The following PCDHGA6 variants were observed in gnomAD, a reference collection of about 807,000 sequenced individuals.
PCDHGA6 encodes the protein protocadherin gamma subfamily A, 6.
Under a neutral mutation model 60.6 loss-of-function variants are expected in PCDHGA6, and 41 were observed. The ratio of observed to expected loss-of-function variants is 0.68; its 90% CI spans 0.53 to 0.88. The LOEUF is 0.88. PCDHGA6 is among the 40% of genes least tolerant of loss of function. PCDHGA6 has a pLI of 0.00. For synonymous variants in PCDHGA6, 594 were observed against 524.4 expected, an observed-to-expected ratio of 1.13 and a Z score of -1.81; for missense variants, 1,312 against 1,203.0, an observed-to-expected ratio of 1.09 and a Z score of -1.34.
intron 1 of PCDHGA6, among the ~76,000 whole-genome samples, chr5:141,464,261 T>TC (rs2099079163): frequency 1.5e-5 from 2 of 137,096 alleles, no homozygotes; most frequent in African/African-American, 2.9e-5. Flanking sequence ...CGAGACTCCG[T>TC]CTAAAAAAAA....
At chr5:141,494,680 C>A in intron 1 of PCDHGA6, 127 bp from the exon 2 acceptor site, 1 of 1,560,094 alleles carries the variant, frequency 6.4e-7, no homozygotes, top group Non-Finnish European at 8.7e-7. Flanking sequence ...CCACCCCTGC[C>A]CCCTCTTAGT....
chr5:141,493,784 T>A lies in PCDHGA6; in HGVS notation c.2425-1023T>A, dbSNP rs1368708028. ...AGCCACTGGCAGTTCCGGAGCTTCC[T>A]TCTCCCTGGAGTAATCTGAGATACT... On this transcript the variant is annotated intron_variant, in intron 1 of 3. Coordinates refer to ENST00000517434, the MANE Select transcript of PCDHGA6 (RefSeq NM_018919.3). This position sits in a 1 kb window ranked among gnomAD's most constrained non-coding sequence, Gnocchi z 4.3. 1.3e-5 allele frequency among the ~76,000 whole-genome samples: 2 copies of A among 152,194 alleles called. No individual in the cohort carries two copies. Among genetic ancestry groups the A allele is most frequent in the Non-Finnish European group, 2.9e-5 (2 of 68,032 alleles).
At chr5:141,405,403 T>A (rs1430892971) in intron 1 of PCDHGA6, 2 of 1,586,108 alleles carry the variant, frequency 1.3e-6, no homozygotes, top group Non-Finnish European at 1.7e-6. Flanking sequence ...TCTTTCTTTC[T>A]TTTCTTTTTT....
chr5:141,484,549 G>A (rs939394402), intron 1 of PCDHGA6, among the ~76,000 whole-genome samples: 1 of 152,162 alleles, frequency 6.6e-6, no homozygotes, highest in African/African-American at 2.4e-5. Context: ...GTTCTAATTA[G>A]CAGTTGCTCC....
intron 3 of PCDHGA6, among the ~76,000 whole-genome samples, chr5:141,509,518 T>A (rs1441963133): frequency 6.6e-6 from 1 of 152,170 alleles, no homozygotes; most frequent in Non-Finnish European, 1.5e-5. Context: ...GTTGATGATG[T>A]ATTGCACAGG....
At chr5:141,501,305 A>G (rs2099807563) in intron 2 of PCDHGA6, among the ~76,000 whole-genome samples, 1 of 151,322 alleles carries the variant, frequency 6.6e-6, no homozygotes, top group African/African-American at 2.4e-5. Flanking sequence ...ACACACACAC[A>G]CACACACACA....
chr5:141,404,594 T>C (rs778412256), intron 1 of PCDHGA6: 6 of 1,614,050 alleles, frequency 3.7e-6, no homozygotes, highest in South Asian at 1.1e-5. Flanking sequence ...CAATGTGTCA[T>C]TGAGACTGTT....
intron 1 of PCDHGA6, chr5:141,421,347 C>G: frequency 6.2e-7 from 1 of 1,613,948 alleles, no homozygotes; most frequent in Non-Finnish European, 8.5e-7. Flanking sequence ...CAGAAGAGAC[C>G]GAAAAGGGCT....
intron 1 of PCDHGA6, among the ~76,000 whole-genome samples, chr5:141,446,802 G>T (rs2098516342): frequency 6.6e-6 from 1 of 152,130 alleles, no homozygotes; most frequent in South Asian, 2.1e-4. Flanking sequence ...CTTCCATTGT[G>T]ATCATCTAGT....
chr5:141,384,594 G>A (rs769496358), intron 1 of PCDHGA6: 6 of 1,614,162 alleles, frequency 3.7e-6, no homozygotes, highest in East Asian at 2.2e-5. Context: ...TCCTGTACCC[G>A]GCCCTCCCCA....
intron 1 of PCDHGA6, chr5:141,427,298 G>C (rs960474831): frequency 4.4e-6 from 2 of 456,752 alleles, no homozygotes; most frequent in East Asian, 1.4e-4. Context: ...TCCTAGATGA[G>C]AATGACAATG....
At chr5:141,494,954 G>A in intron 2 of PCDHGA6, 89 bp downstream of exon 2, 2 of 1,601,116 alleles carry the variant, frequency 1.2e-6, no homozygotes. Context: ...CCCAGCATTT[G>A]CTACAGATGG....
chr5:141,384,981 G>T (rs1780732379), intron 1 of PCDHGA6: 1 of 1,614,142 alleles, frequency 6.2e-7, no homozygotes, highest in Non-Finnish European at 8.5e-7. Context: ...TGTACCTGGT[G>T]GTGGCGGTGG....
chr5:141,476,597 G>C lies in PCDHGA6; in HGVS notation c.2425-18210G>C, dbSNP rs2099394582. On this transcript the variant is annotated intron_variant, in intron 1 of 3. Coordinates refer to ENST00000517434, the MANE Select transcript of PCDHGA6 (RefSeq NM_018919.3). The surrounding 1 kb of genome is among the most constrained non-coding windows in gnomAD (Gnocchi z 7.6). ...GCGCTTTCCGCTCGAGAGCGCGCAC[G>C]ATCCCGATGTGGGAAGCAACTCTTT... The C allele has an allele frequency of 1.2e-6, 2 of 1,614,112 alleles. No individual in the cohort carries two copies. The highest frequency in any genetic ancestry group is 1.7e-6 in the Non-Finnish European group (2 of 1,180,046).
chr5:141,408,443 A>G (rs1486863170), intron 1 of PCDHGA6: 1 of 1,613,956 alleles, frequency 6.2e-7, no homozygotes, highest in Non-Finnish European at 8.5e-7. Flanking sequence ...AGACGCGGAG[A>G]GCGGGGACTT....
intron 3 of PCDHGA6, among the ~76,000 whole-genome samples, chr5:141,510,092 T>C (rs973542449): frequency 6.6e-6 from 1 of 152,138 alleles, no homozygotes; most frequent in South Asian, 2.1e-4. Flanking sequence ...TGGCACACAG[T>C]AGGTGCTCAA....
intron 1 of PCDHGA6, among the ~76,000 whole-genome samples, chr5:141,458,663 G>A (rs1045303205): frequency 2.6e-5 from 4 of 151,804 alleles, no homozygotes; most frequent in Admixed American, 6.6e-5. Context: ...TCCACCTCTC[G>A]GGTTCAAGCA....
At chr5:141,430,977 A>C (rs761722055) in intron 1 of PCDHGA6, 1 of 1,613,290 alleles carries the variant, frequency 6.2e-7, no homozygotes, top group South Asian at 1.1e-5. Context: ...GGTAGGACGC[A>C]GCTTTTCGCC....
Position 141,477,864 on chromosome 5 carries a change from G to A in PCDHGA6, c.2425-16943G>A, listed in dbSNP as rs775055164. On this transcript the variant is annotated intron_variant, in intron 1 of 3. Transcript: ENST00000517434. The surrounding 1 kb of genome is among the most constrained non-coding windows in gnomAD (Gnocchi z 4.9). Reference sequence around the variant, plus strand: ...AGCTCGGTGGAGATGCTGCCTCGAGGTACCTCAGCTGGCCACCTAGTGTCA... The same window carrying A: ...AGCTCGGTGGAGATGCTGCCTCGAGATACCTCAGCTGGCCACCTAGTGTCA... 1.2e-6 allele frequency: 2 copies of A among 1,613,122 alleles called. No homozygotes were observed. The highest frequency in any genetic ancestry group is 4.5e-5 in the East Asian group (2 of 44,822).
Sources: gnomAD v4.1 joint callset for allele counts (sites outside exome capture counted in the v4.1 genomes callset) on GRCh38, gnomAD v4.1.1 for gene constraint, Gnocchi (gnomAD v3.1) non-coding constraint, MANE v1.5 for transcripts, NCBI Gene and HGNC (gene_info 2026-07-23, HGNC 2026-07-21) for gene names.